The following SDK1 variants were observed in gnomAD, a reference collection of about 807,000 sequenced individuals.
The protein encoded by SDK1 is sidekick cell adhesion molecule 1.
A neutral mutation model predicts 245.5 loss-of-function variants in SDK1; 157 were observed. That is an observed-to-expected ratio of 0.64 (90% CI 0.56 to 0.73). SDK1 has a LOEUF of 0.73. SDK1 is among the 30% of genes least tolerant of loss of function. The pLI, the probability that SDK1 is intolerant of heterozygous loss-of-function variation, is 0.00. For synonymous variants in SDK1, 1,647 were observed against 1,278.5 expected, an observed-to-expected ratio of 1.29 and a Z score of -6.15; for missense variants, 3,583 against 3,002.3, an observed-to-expected ratio of 1.19 and a Z score of -4.52.
In SDK1 at chr7:3,734,221, T is replaced by G. The variant is rs149074905; in HGVS notation, c.714-87229T>G. ...TTGTTCTTACATTTCTTTGTATCAT[T>G]AGGTGCCCCACTGCCAGGCCTATTA... On this transcript the variant is annotated intron_variant, in intron 4 of 44. Coordinates refer to ENST00000404826, the MANE Select transcript of SDK1 (RefSeq NM_152744.4). Among the ~76,000 whole-genome samples the G allele has an allele frequency of 1.2e-3, 180 of 152,348 alleles. 1 individual carries two copies. Among genetic ancestry groups the G allele is most frequent in the African/African-American group, 4.2e-3 (175 of 41,584 alleles).
chr7:3,679,969 C>G (rs1784049210), intron 4 of SDK1, among the ~76,000 whole-genome samples: 1 of 151,622 alleles, frequency 6.6e-6, no homozygotes, highest in South Asian at 2.1e-4. Context: ...TTCACAGAGG[C>G]TTTATTTGTA....
intron 5 of SDK1, among the ~76,000 whole-genome samples, chr7:3,842,752 C>T (rs1048044332): frequency 6.6e-6 from 1 of 152,076 alleles, no homozygotes; most frequent in African/African-American, 2.4e-5. Flanking sequence ...CTCCTTTTCT[C>T]CCTCACTTCT....
chr7:3,703,659 C>A (rs916573961), intron 4 of SDK1, among the ~76,000 whole-genome samples: 13 of 152,166 alleles, frequency 8.5e-5, no homozygotes, highest in African/African-American at 2.7e-4. Context: ...TTAAGAGAAT[C>A]AGGGTAAAGG....
rs62437934 is a variant in SDK1, at chr7:3,735,182, A to G, written c.714-86268A>G. Among the ~76,000 whole-genome samples, 337 of 152,320 alleles carry G rather than the reference A, an allele frequency of 2.2e-3. 1 individual carries two copies. Among genetic ancestry groups the G allele is most frequent in the Non-Finnish European group, 3.7e-3 (253 of 68,028 alleles). ...AAAAATTAATTGTGGTAGAATGTTC[A>G]TAACATAAAATTTATCATCCTAACC... On this transcript the variant is annotated intron_variant, in intron 4 of 44. Transcript: ENST00000404826.
chr7:4,209,583 C>T (rs1307886064), intron 37 of SDK1, among the ~76,000 whole-genome samples: 1 of 152,168 alleles, frequency 6.6e-6, no homozygotes, highest in African/African-American at 2.4e-5. Context: ...GGGTGTCCCC[C>T]AAAACCCCCA....
chr7:4,034,263 C>G (rs1009545249), intron 17 of SDK1, among the ~76,000 whole-genome samples: 1 of 152,160 alleles, frequency 6.6e-6, no homozygotes, highest in Non-Finnish European at 1.5e-5. Flanking sequence ...GACATGATTC[C>G]TAAATGCAGC....
At chr7:3,582,932 G>T (rs752508474) in intron 1 of SDK1, among the ~76,000 whole-genome samples, 4 of 152,052 alleles carry the variant, frequency 2.6e-5, no homozygotes, top group Non-Finnish European at 1.5e-5. Flanking sequence ...GAAAAGGGGG[G>T]CAGATAACCA....
At chr7:3,876,812 C>T (rs1405195200) in intron 5 of SDK1, among the ~76,000 whole-genome samples, 1 of 152,154 alleles carries the variant, frequency 6.6e-6, no homozygotes, top group Non-Finnish European at 1.5e-5. Flanking sequence ...ACTAGTTGGG[C>T]TGGATTCACC....
chr7:4,079,138 C>G (rs1319879307), intron 21 of SDK1, among the ~76,000 whole-genome samples: 1 of 152,232 alleles, frequency 6.6e-6, no homozygotes, highest in Non-Finnish European at 1.5e-5. Context: ...ATCCTTTCCT[C>G]ATTCAGCCAG....
At chr7:4,212,968 G>A (rs1189925395) in intron 38 of SDK1, among the ~76,000 whole-genome samples, 2 of 152,114 alleles carry the variant, frequency 1.3e-5, no homozygotes, top group Admixed American at 6.5e-5. Flanking sequence ...TTCTCTCTTG[G>A]GCTGCTGCTC....
At chr7:3,490,840 C>T (rs1416217200) in intron 1 of SDK1, among the ~76,000 whole-genome samples, 2 of 152,156 alleles carry the variant, frequency 1.3e-5, no homozygotes, top group African/African-American at 4.8e-5. Context: ...TATACTCTCC[C>T]TTTTCTTGGG....
At chr7:3,372,014 G>A (rs1230479343) in intron 1 of SDK1, among the ~76,000 whole-genome samples, 1 of 152,142 alleles carries the variant, frequency 6.6e-6, no homozygotes, top group African/African-American at 2.4e-5. Flanking sequence ...AATCTGTAAG[G>A]CTGTGGTTCA....
At chr7:3,358,223 TGTTGGCCAG>T (rs1298977419) in intron 1 of SDK1, among the ~76,000 whole-genome samples, 2 of 152,116 alleles carry the variant, frequency 1.3e-5, no homozygotes, top group Non-Finnish European at 2.9e-5. Context: ...GGTTTCACCA[TGTTGGCCAG>T]GTTGGTTTTG....
At chr7:3,635,603 G>A (rs1292223308) in intron 2 of SDK1, among the ~76,000 whole-genome samples, 3 of 152,232 alleles carry the variant, frequency 2.0e-5, no homozygotes, top group Admixed American at 1.3e-4. Context: ...CTTTTAAATT[G>A]TGGACAAGTA....
chr7:4,063,842 C>A (rs774521358), intron 19 of SDK1, among the ~76,000 whole-genome samples: 10 of 151,848 alleles, frequency 6.6e-5, no homozygotes, highest in Non-Finnish European at 1.0e-4. Flanking sequence ...AACTGATTTT[C>A]GATAAAGGTG....
intron 1 of SDK1, among the ~76,000 whole-genome samples, chr7:3,328,226 T>C (rs1487342913): frequency 1.3e-5 from 2 of 152,188 alleles, no homozygotes; most frequent in Non-Finnish European, 2.9e-5. Context: ...TTAAAAAATA[T>C]TTTCACTTTA....
At chr7:3,639,227 A>C (rs1284351516) in intron 3 of SDK1, 117 bp downstream of exon 3, 4 of 548,846 alleles carry the variant, frequency 7.3e-6, no homozygotes, top group East Asian at 3.3e-5. Context: ...TTCTATTTTG[A>C]GTAGAATAAT....
At chr7:4,122,877 A>C (rs909653004) in intron 25 of SDK1, among the ~76,000 whole-genome samples, 5 of 152,232 alleles carry the variant, frequency 3.3e-5, no homozygotes, top group Non-Finnish European at 7.3e-5. Flanking sequence ...TTGCAACTCC[A>C]TGGCAGATCT....
chr7:3,343,894 G>T (rs1158591933), intron 1 of SDK1, among the ~76,000 whole-genome samples: 5 of 151,956 alleles, frequency 3.3e-5, no homozygotes, highest in African/African-American at 4.8e-5. Context: ...TATCAGATCA[G>T]TTGAGACTAA....
Sources: gnomAD v4.1 joint callset for allele counts (sites outside exome capture counted in the v4.1 genomes callset) on GRCh38, gnomAD v4.1.1 for gene constraint, MANE v1.5 for transcripts, NCBI Gene and HGNC (gene_info 2026-07-23, HGNC 2026-07-21) for gene names.